GRIA1: variants seen among roughly 807,000 people sequenced by gnomAD.
GRIA1 encodes the protein glutamate ionotropic receptor AMPA type subunit 1.
A neutral mutation model predicts 99.2 loss-of-function variants in GRIA1; 31 were observed. The ratio of observed to expected loss-of-function variants is 0.31; its 90% CI spans 0.23 to 0.42. The LOEUF is 0.42. Ranked by LOEUF, GRIA1 falls within the 10% of genes least tolerant of loss-of-function variation. The pLI, the probability that GRIA1 is intolerant of heterozygous loss-of-function variation, is 1.00. For missense variants in GRIA1, 782 were observed against 1,157.5 expected (o/e 0.68, Z 4.71); for synonymous variants, 438 against 432.4 (o/e 1.01, Z -0.16).
At chr5:153,508,959 C>T (rs569528580) in intron 2 of GRIA1, among the ~76,000 whole-genome samples, 1 of 152,248 alleles carries the variant, frequency 6.6e-6, no homozygotes, top group Admixed American at 6.5e-5. Context: ...GACCTGCTCT[C>T]CTTTTCCAGG....
intron 11 of GRIA1, among the ~76,000 whole-genome samples, chr5:153,730,426 T>G (rs1043064612): frequency 4.6e-5 from 7 of 152,192 alleles, no homozygotes; most frequent in South Asian, 4.1e-4. Flanking sequence ...TATTAGCATG[T>G]AACAGTACAT....
chr5:153,642,869 T>A lies in GRIA1; in HGVS notation c.221-4059T>A, dbSNP rs147250562. Among the ~76,000 whole-genome samples, 155 of 152,258 alleles carry A rather than the reference T, an allele frequency of 1.0e-3. 1 individual carries two copies. In the Middle Eastern group the frequency reaches 0.02, roughly 20 times the overall value. Reference sequence around the variant, plus strand: ...TCCCTTTCTAGTCTGCCTCCTTTCATCTCTCTACTGGGTAACTTATTCACA... The same window carrying A: ...TCCCTTTCTAGTCTGCCTCCTTTCAACTCTCTACTGGGTAACTTATTCACA... On this transcript the variant is annotated intron_variant, in intron 2 of 15. Coordinates refer to ENST00000285900, the MANE Select transcript of GRIA1 (RefSeq NM_000827.4).
At chr5:153,563,440 C>T (rs893159278) in intron 2 of GRIA1, among the ~76,000 whole-genome samples, 1 of 152,156 alleles carries the variant, frequency 6.6e-6, no homozygotes, top group Non-Finnish European at 1.5e-5. Flanking sequence ...TTTACTTCCC[C>T]TTACAAGACT....
intron 2 of GRIA1, among the ~76,000 whole-genome samples, chr5:153,608,203 A>C (rs1269800145): frequency 1.3e-5 from 2 of 152,078 alleles, no homozygotes; most frequent in Non-Finnish European, 2.9e-5. Flanking sequence ...GGTTTTCAGC[A>C]ATTTTGCAAT....
chr5:153,727,165 G>T (rs1398987801), intron 11 of GRIA1, among the ~76,000 whole-genome samples: 5 of 152,106 alleles, frequency 3.3e-5, no homozygotes, highest in Non-Finnish European at 4.4e-5. Flanking sequence ...ATGCAGAAAA[G>T]GCCTTTGACA....
intron 2 of GRIA1, among the ~76,000 whole-genome samples, chr5:153,623,516 A>G (rs192737471): frequency 6.6e-6 from 1 of 152,364 alleles, no homozygotes; most frequent in East Asian, 1.9e-4. Flanking sequence ...AAGAGAAGAC[A>G]CTAATTAAGT....
intron 2 of GRIA1, among the ~76,000 whole-genome samples, chr5:153,556,385 C>A (rs1345431940): frequency 7.2e-5 from 11 of 152,190 alleles, no homozygotes; most frequent in Non-Finnish European, 4.4e-5. Context: ...CAGTCCAGTG[C>A]TCCAGCAAGA....
intron 2 of GRIA1, among the ~76,000 whole-genome samples, chr5:153,606,615 T>A (rs1411936607): frequency 6.6e-6 from 1 of 152,050 alleles, no homozygotes; most frequent in Non-Finnish European, 1.5e-5. Flanking sequence ...TTTGTTAGAT[T>A]TATTTTGTAG....
intron 2 of GRIA1, among the ~76,000 whole-genome samples, chr5:153,522,464 A>G (rs993840801): frequency 2.6e-5 from 4 of 152,224 alleles, no homozygotes; most frequent in African/African-American, 4.8e-5. Flanking sequence ...AGTTTGTATC[A>G]GTCAAGTTAG....
Position 153,813,750 on chromosome 5 carries a change from T to G in GRIA1, c.*2525T>G, listed in dbSNP as rs1302575848. On this transcript the variant is annotated 3_prime_UTR_variant, in exon 16 of 16. Transcript: ENST00000285900. ...GCAGATGTGTGAAAGGATTCTTGCT[T>G]GATCAAACACTAAGTATTTTTTTGG... The G allele has an allele frequency of 1.3e-5, 2 of 152,254 alleles. No homozygotes were observed. The highest frequency in any genetic ancestry group is 2.4e-5 in the African/African-American group (1 of 41,466). 9.4% of individuals were successfully genotyped at this position (152,254 alleles called of 1,614,324 possible).
At chr5:153,779,161 G>C (rs1046996785) in intron 13 of GRIA1, among the ~76,000 whole-genome samples, 1 of 152,118 alleles carries the variant, frequency 6.6e-6, no homozygotes, top group African/African-American at 2.4e-5. Flanking sequence ...CCCTGTGATG[G>C]TCATACATTA....
At chr5:153,785,607 A>G (rs762823665) in intron 13 of GRIA1, among the ~76,000 whole-genome samples, 2 of 152,226 alleles carry the variant, frequency 1.3e-5, no homozygotes, top group Non-Finnish European at 2.9e-5. Context: ...GAAAAGTTCC[A>G]TGTCCTGAAA....
chr5:153,671,171 C>T (rs1351451336), intron 5 of GRIA1, among the ~76,000 whole-genome samples: 3 of 152,138 alleles, frequency 2.0e-5, no homozygotes, highest in Admixed American at 6.6e-5. Context: ...TGTTGTCAGA[C>T]ATTCTGGTGA....
chr5:153,510,285 T>C (rs1365591982), intron 2 of GRIA1, among the ~76,000 whole-genome samples: 3 of 152,170 alleles, frequency 2.0e-5, no homozygotes, highest in African/African-American at 7.2e-5. Flanking sequence ...GAAAGTGAAT[T>C]TTAGGATAAA....
At chr5:153,552,536 T>A (rs1760246563) in intron 2 of GRIA1, among the ~76,000 whole-genome samples, 1 of 152,052 alleles carries the variant, frequency 6.6e-6, no homozygotes, top group South Asian at 2.1e-4. Flanking sequence ...CTATACCCTA[T>A]AACCAGGCTG....
intron 11 of GRIA1, among the ~76,000 whole-genome samples, chr5:153,741,857 A>C (rs1761813219): frequency 6.6e-6 from 1 of 152,038 alleles, no homozygotes; most frequent in African/African-American, 2.4e-5. Context: ...AGTCAACAAT[A>C]CTGTGCACTG....
chr5:153,689,500 T>C (rs76331668), intron 8 of GRIA1, among the ~76,000 whole-genome samples: 2 of 152,146 alleles, frequency 1.3e-5, no homozygotes, highest in East Asian at 1.9e-4. Flanking sequence ...GAGTAGTGGA[T>C]TAGCTTAAAA....
intron 5 of GRIA1, among the ~76,000 whole-genome samples, chr5:153,667,703 G>GTT (rs1347507810): frequency 1.3e-5 from 2 of 152,154 alleles, no homozygotes; most frequent in Non-Finnish European, 2.9e-5. Flanking sequence ...GTAACCAGTA[G>GTT]ACACATATAA....
intron 2 of GRIA1, among the ~76,000 whole-genome samples, chr5:153,617,431 G>A (rs778831): frequency 0.21 from 32,354 of 152,132 alleles, 4,085 homozygotes; most frequent in Non-Finnish European, 0.28. Flanking sequence ...TCTTTTTGGG[G>A]AAGATTTCTA....
Sources: allele counts gnomAD v4.1 joint callset (sites outside exome capture counted in the v4.1 genomes callset), GRCh38; gene constraint gnomAD v4.1.1; transcripts MANE v1.5; gene names NCBI Gene and HGNC (gene_info 2026-07-23, HGNC 2026-07-21).